Variants in ADCY5 observed in about 807,000 individuals in gnomAD.
ADCY5 encodes the protein adenylate cyclase type 5.
Under a neutral mutation model 119.7 loss-of-function variants are expected in ADCY5, and 30 were observed. The ratio of observed to expected loss-of-function variants is 0.25; its 90% CI spans 0.19 to 0.34. The LOEUF is 0.34. ADCY5 is among the 10% of genes least tolerant of loss of function. The pLI is 1.00. For synonymous variants in ADCY5, 753 were observed against 762.2 expected (o/e 0.99, Z 0.20); for missense variants, 1,324 against 1,775.2 (o/e 0.75, Z 4.57).
At chr3:123,301,688 C>G (rs1221102083) in intron 14 of ADCY5, among the ~76,000 whole-genome samples, 1 of 152,224 alleles carries the variant, frequency 6.6e-6, no homozygotes, top group East Asian at 1.9e-4. Flanking sequence ...ACCCTCTCCC[C>G]CCAGGCCTTA....
At chr3:123,388,653 G>A (rs13082029) in intron 1 of ADCY5, among the ~76,000 whole-genome samples, 3 of 152,176 alleles carry the variant, frequency 2.0e-5, no homozygotes, top group Admixed American at 6.5e-5. Context: ...ACAAATGCTT[G>A]AGGAGGAAAA....
intron 11 of ADCY5, among the ~76,000 whole-genome samples, chr3:123,316,197 C>T (rs540864734): frequency 2.0e-5 from 3 of 152,224 alleles, no homozygotes; most frequent in South Asian, 4.1e-4. Flanking sequence ...TAGACCCCCC[C>T]CAACCTAATC....
intron 18 of ADCY5, 127 bp from the exon 19 acceptor site, chr3:123,290,081 G>T: frequency 1.1e-6 from 1 of 916,306 alleles, no homozygotes. Flanking sequence ...CACACAGTGG[G>T]GCCTGTCTCC....
intron 3 of ADCY5, among the ~76,000 whole-genome samples, chr3:123,346,654 T>C (rs1376427707): frequency 1.3e-5 from 2 of 151,512 alleles, no homozygotes; most frequent in Admixed American, 6.6e-5. Flanking sequence ...TGTGTATGTG[T>C]GTGTGTGTGT....
At chr3:123,385,293 G>A (rs60165510) in intron 1 of ADCY5, among the ~76,000 whole-genome samples, 72,505 of 150,670 alleles carry the variant, frequency 0.48, 18,209 homozygotes, top group East Asian at 0.69. Flanking sequence ...AGACACACAC[G>A]CACACACACA....
In ADCY5 at chr3:123,383,968, G is replaced by GCA. The variant is rs1170940753; in HGVS notation, c.1135-31389_1135-31388dup. Among the ~76,000 whole-genome samples the GCA allele has an allele frequency of 4.1e-4, 53 of 130,162 alleles. No homozygotes were observed. The East Asian group carries it at 0.011, about 27-fold the overall frequency. 85.4% of individuals were successfully genotyped at this position (130,162 alleles called of 152,430 possible). ...CCTTCTGCAAGGCACGTGCGCGCGC[G>GCA]CACACACACACACAAACACACACCC... On this transcript the variant is annotated intron_variant, in intron 1 of 20. Transcript: ENST00000462833.
chr3:123,306,332 CA>C lies in ADCY5; in HGVS notation c.2443-2150del, dbSNP rs200866772. Among the ~76,000 whole-genome samples the C allele has an allele frequency of 7.5e-3, 1,136 of 152,148 alleles. 7 individuals are homozygous for C. The highest frequency in any genetic ancestry group is 0.025 in the African/African-American group (1,058 of 41,512). On this transcript the variant is annotated intron_variant, in intron 12 of 20. Transcript: ENST00000462833. ...GCTGGGACACACAGATATCCACATG[CA>C]AAAAATGAAGTTGGGTCCCTACTGC...
chr3:123,360,136 T>C (rs1943196367), intron 1 of ADCY5, among the ~76,000 whole-genome samples: 1 of 152,130 alleles, frequency 6.6e-6, no homozygotes, highest in Admixed American at 6.5e-5. Flanking sequence ...AAATTTTTCC[T>C]TTCACAAAGA....
At chr3:123,394,427 G>A (rs938062016) in intron 1 of ADCY5, among the ~76,000 whole-genome samples, 5 of 152,092 alleles carry the variant, frequency 3.3e-5, no homozygotes, top group Non-Finnish European at 7.4e-5. Context: ...GGCATCTGAT[G>A]GGACAAAGTA....
chr3:123,302,091 G>C (rs1939884969), intron 14 of ADCY5, among the ~76,000 whole-genome samples: 1 of 152,232 alleles, frequency 6.6e-6, no homozygotes, highest in Non-Finnish European at 1.5e-5. Context: ...GGCCCTTTGG[G>C]AGTTGGATGA....
At chr3:123,344,403 G>A (rs140475189) in intron 3 of ADCY5, among the ~76,000 whole-genome samples, 1 of 152,258 alleles carries the variant, frequency 6.6e-6, no homozygotes, top group Non-Finnish European at 1.5e-5. Context: ...AATAATAATG[G>A]CAGCTCACAA....
In ADCY5 at chr3:123,448,564, G is replaced by C; in HGVS notation, c.-19C>G. On this transcript the variant is annotated 5_prime_UTR_variant, in exon 1 of 21. Coordinates refer to ENST00000462833, the MANE Select transcript of ADCY5 (RefSeq NM_183357.3). ...CGGACATCCCCCCCTCGGCCTCGTCGTCTCCTTCCTCCTCCCCCGGAAGCC... is the reference window on the plus strand; with the variant it reads ...CGGACATCCCCCCCTCGGCCTCGTCCTCTCCTTCCTCCTCCCCCGGAAGCC... 1 of 1,264,354 alleles carries C rather than the reference G, an allele frequency of 7.9e-7. No homozygotes were observed. The allele number at this position is 1,264,354 out of a possible 1,614,324, so 78.3% of individuals were successfully genotyped here.
intron 1 of ADCY5, among the ~76,000 whole-genome samples, chr3:123,445,788 T>C (rs1441517141): frequency 2.0e-5 from 3 of 152,152 alleles, no homozygotes; most frequent in Non-Finnish European, 4.4e-5. Flanking sequence ...AAATCCCTAC[T>C]AAGTATTCTG....
intron 1 of ADCY5, among the ~76,000 whole-genome samples, chr3:123,431,700 T>C (rs189129367): frequency 1.3e-3 from 191 of 152,334 alleles, no homozygotes; most frequent in African/African-American, 4.5e-3. Context: ...AACATAAATA[T>C]ACTAAGCCAC....
At chr3:123,336,848 A>C (rs544718993) in intron 3 of ADCY5, among the ~76,000 whole-genome samples, 1 of 152,274 alleles carries the variant, frequency 6.6e-6, no homozygotes, top group Admixed American at 6.5e-5. Context: ...CTCTTGTCAC[A>C]CTAGACCATA....
chr3:123,415,074 C>A (rs1265691508), intron 1 of ADCY5, among the ~76,000 whole-genome samples: 1 of 152,192 alleles, frequency 6.6e-6, no homozygotes, highest in African/African-American at 2.4e-5. Flanking sequence ...CACAGCCACC[C>A]CACATCACCA....
At chr3:123,324,404 CCACACACACACACA>C (rs10522987) in intron 8 of ADCY5, among the ~76,000 whole-genome samples, 3,814 of 109,596 alleles carry the variant, frequency 0.035, 85 homozygotes, top group African/African-American at 0.056. Context: ...CACACAGAAA[CCACACACACACACA>C]CACACACACA....
chr3:123,404,663 C>T (rs1267267610), intron 1 of ADCY5: 3 of 152,268 alleles, frequency 2.0e-5, no homozygotes, highest in African/African-American at 7.2e-5. Flanking sequence ...GCTCCATCTT[C>T]TCAGACAAGA....
At chr3:123,375,064 C>T (rs1241529944) in intron 1 of ADCY5, among the ~76,000 whole-genome samples, 1 of 152,204 alleles carries the variant, frequency 6.6e-6, no homozygotes, top group South Asian at 2.1e-4. Flanking sequence ...AGCCTCTCAC[C>T]ATCTGTCAGC....
Sources: gnomAD v4.1 joint callset for allele counts (sites outside exome capture counted in the v4.1 genomes callset) on GRCh38, gnomAD v4.1.1 for gene constraint, MANE v1.5 for transcripts, NCBI Gene and HGNC (gene_info 2026-07-23, HGNC 2026-07-21) for gene names.